ZNF229: variants seen among roughly 807,000 people sequenced by gnomAD.
ZNF229 encodes the protein zinc finger protein 229.
Under a neutral mutation model 11.8 loss-of-function variants are expected in ZNF229, and 10 were observed. That is an observed-to-expected ratio of 0.85 (90% confidence interval 0.52 to 1.44). The LOEUF is 1.44. ZNF229 is among the 40% of genes most tolerant of loss of function. The probability of loss-of-function intolerance (pLI) is 0.00; values close to 1 mark genes in which losing one functional copy is unlikely to be tolerated. For synonymous variants in ZNF229, 368 were observed against 374.8 expected (o/e 0.98, Z 0.21); for missense variants, 1,045 against 1,015.1 (o/e 1.03, Z -0.40).
intron 2 of ZNF229, among the ~76,000 whole-genome samples, chr19:44,444,291 A>T (rs530965420): frequency 2.0e-5 from 3 of 152,070 alleles, no homozygotes; most frequent in Non-Finnish European, 2.9e-5. Context: ...AAACAGATAC[A>T]CATACTTGGG....
Position 44,428,286 on chromosome 19 carries a change from G to T in ZNF229, c.*17C>A. The T allele has an allele frequency of 6.4e-7, 1 of 1,574,640 alleles. No individual in the cohort carries two copies. Among genetic ancestry groups the T allele is most frequent in the South Asian group, 1.2e-5 (1 of 84,796 alleles). ...GATAGAAAGCTCTGAGTCCCAGATG[G>T]AATCCTCTATGTACATCTACTTATA... is the stretch of plus-strand genomic sequence containing the variant. On this transcript the variant is annotated 3_prime_UTR_variant, in exon 6 of 6. Transcript: ENST00000614049.
rs142148173 is a variant in ZNF229, at chr19:44,426,269, G to C, written c.*2034C>G. 2 of 152,200 alleles carry C rather than the reference G, an allele frequency of 1.3e-5. No homozygotes were observed. Among genetic ancestry groups the C allele is most frequent in the East Asian group, 3.9e-4 (2 of 5,188 alleles). The allele number at this position is 152,200 out of a possible 1,614,324, so 9.4% of individuals were successfully genotyped here. A position where few individuals can be genotyped will look rare whatever the true frequency, so the allele number is the denominator to read the frequency against. On this transcript the variant is annotated 3_prime_UTR_variant, in exon 6 of 6. Transcript: ENST00000614049. Reference sequence around the variant, plus strand: ...AAAAAAGTTATAGAGGTTACAACATGAATCTTTAATCATAAGGGATTGTTC... The same window carrying C: ...AAAAAAGTTATAGAGGTTACAACATCAATCTTTAATCATAAGGGATTGTTC...
Position 44,433,220 on chromosome 19 carries a change from G to A in ZNF229, c.94-854C>T, listed in dbSNP as rs77834956. 1.4e-3 allele frequency among the ~76,000 whole-genome samples: 217 copies of A among 152,192 alleles called. 4 individuals carry two copies. In the East Asian group the frequency reaches 0.033, roughly 23 times the overall value. On this transcript the variant is annotated intron_variant, in intron 4 of 5. Transcript: ENST00000614049. ...CTACAGGCACGCACCACCACATCCA[G>A]CTAATTTTTATTTTTTTGTAGAGAT...
intron 4 of ZNF229, among the ~76,000 whole-genome samples, chr19:44,435,365 G>A (rs548505494): frequency 1.4e-4 from 21 of 152,168 alleles, no homozygotes; most frequent in Middle Eastern, 3.4e-3. Context: ...GACTTACTAC[G>A]GTGAAAGAAA....
chr19:44,431,960 G>A (rs1047540020), intron 5 of ZNF229: 6 of 671,078 alleles, frequency 8.9e-6, no homozygotes, highest in Non-Finnish European at 1.2e-5. Flanking sequence ...GCTCTTCTCT[G>A]CTACGTGAGG....
intron 4 of ZNF229, 59 bp downstream of exon 4, chr19:44,442,504 G>T (rs942169387): frequency 1.9e-6 from 3 of 1,567,124 alleles, no homozygotes; most frequent in Non-Finnish European, 2.6e-6. Flanking sequence ...GAGAAGGGAC[G>T]TATGTTTTCT....
intron 4 of ZNF229, among the ~76,000 whole-genome samples, chr19:44,435,983 G>C (rs1390803425): frequency 6.6e-6 from 1 of 152,232 alleles, no homozygotes; most frequent in Non-Finnish European, 1.5e-5. Context: ...CTGAAGGGTA[G>C]TTTACAGTGG....
intron 4 of ZNF229, among the ~76,000 whole-genome samples, chr19:44,437,550 G>A (rs1971836064): frequency 6.6e-6 from 1 of 152,142 alleles, no homozygotes; most frequent in African/African-American, 2.4e-5. Flanking sequence ...ATCATACAAA[G>A]CAGTGTGGTG....
chr19:44,432,079 G>T lies in ZNF229; in HGVS notation c.238+143C>A, dbSNP rs962918500. The T allele has an allele frequency of 2.2e-5, 31 of 1,415,684 alleles. 1 individual carries two copies. In the Admixed American group the frequency reaches 9.2e-4, roughly 42 times the overall value. The allele number at this position is 1,415,684 out of a possible 1,614,324, so 87.7% of individuals were successfully genotyped here. On this transcript the variant is annotated intron_variant, in intron 5 of 5. Transcript: ENST00000614049. ...TGCCTTCCAGAAATAAACTTCTGTT[G>T]TTTATATGCCACTCAGTCTGGCAAT... is the stretch of plus-strand genomic sequence containing the variant.
chr19:44,431,430 A>T (rs1230015270), intron 5 of ZNF229, among the ~76,000 whole-genome samples: 1 of 152,110 alleles, frequency 6.6e-6, no homozygotes, highest in Non-Finnish European at 1.5e-5. Flanking sequence ...ACAATACTAG[A>T]AGAAAGTGAG....
At chr19:44,442,500 G>A (rs1971929825) in intron 4 of ZNF229, 63 bp downstream of exon 4, 2 of 1,556,086 alleles carry the variant, frequency 1.3e-6, no homozygotes, top group Admixed American at 3.4e-5. Context: ...TACCGAGAAG[G>A]GACGTATGTT....
rs776592657 is a variant in ZNF229 at position 44,442,894 on chromosome 19, T to G, written c.-47A>C. On this transcript the variant is annotated 5_prime_UTR_variant, in exon 3 of 6. Transcript: ENST00000614049. ...TGCGAGCAGCAGCAACTGTATTTATTCTCTGGTTTTCCTAAGCTGGAGACG... is the reference window on the plus strand; with the variant it reads ...TGCGAGCAGCAGCAACTGTATTTATGCTCTGGTTTTCCTAAGCTGGAGACG... 6.2e-7 allele frequency: 1 copy of G among 1,609,778 alleles called. No individual in the cohort carries two copies. The highest frequency in any genetic ancestry group is 1.3e-5 in the African/African-American group (1 of 74,808).
At position 44,429,121 on chromosome 19, in the gene ZNF229, C is replaced by T. The variant is rs1455614949; in HGVS notation, c.1660G>A (p.Gly554Ser). 2 of 1,610,880 alleles carry T rather than the reference C, an allele frequency of 1.2e-6. No individual in the cohort carries two copies. The highest frequency in any genetic ancestry group is 2.7e-5 in the African/African-American group (2 of 73,820). The change falls in exon 6 of 6, where the codon GGC (glycine) becomes AGC (serine). Residue 554 changes from glycine to serine, a missense_variant. Coordinates refer to ENST00000614049, the MANE Select transcript of ZNF229 (RefSeq NM_014518.4). ...PYKCECGKSF[G>S]RSSDLHIHQR... ...TGGATGTGGAGGTCGGAGCTCCGGCCAAAGCTCTTCCCGCACTCGCATTTG... is the reference window on the plus strand; with the variant it reads ...TGGATGTGGAGGTCGGAGCTCCGGCTAAAGCTCTTCCCGCACTCGCATTTG...
In ZNF229 at chr19:44,429,310, A is replaced by G. The variant is rs1161898111; in HGVS notation, c.1471T>C (p.Cys491Arg). 1.2e-6 allele frequency: 2 copies of G among 1,614,112 alleles called. No homozygotes were observed. Among genetic ancestry groups the G allele is most frequent in the East Asian group, 2.2e-5 (1 of 44,880 alleles). Residue 491 changes from cysteine (C) to arginine (R), a missense_variant, in exon 6 of 6, where the codon TGT (cysteine) becomes CGT (arginine). Cys to Arg is a radical substitution (Grantham distance 180, BLOSUM62 -3). Transcript: ENST00000614049. ...CTGAAACCTTTGCCACACTTGTCAC[A>G]CTGGTAGGGCCTCTCGCCGGTGTGT... ...KTHTGERPYQ[C>R]DKCGKGFSHN...
intron 5 of ZNF229, among the ~76,000 whole-genome samples, chr19:44,431,362 C>T (rs1971719519): frequency 6.6e-6 from 1 of 152,034 alleles, no homozygotes; most frequent in African/African-American, 2.4e-5. Context: ...TTCTTTATTG[C>T]CTATTTTTAT....
chr19:44,428,070 C>G lies in ZNF229; in HGVS notation c.*233G>C. 1 of 485,382 alleles carries G rather than the reference C, an allele frequency of 2.1e-6. No homozygotes were observed. The highest frequency in any genetic ancestry group is 3.8e-5 in the South Asian group (1 of 26,636). 30.1% of individuals were successfully genotyped at this position (485,382 alleles called of 1,614,324 possible). ...TACTGAAACCACTGCTGCACTGTTT[C>G]TTTAAAGCCTACTCCGCTGCACAAC... On this transcript the variant is annotated 3_prime_UTR_variant, in exon 6 of 6. Transcript: ENST00000614049.
intron 2 of ZNF229, among the ~76,000 whole-genome samples, chr19:44,444,977 T>G (rs561435519): frequency 5.3e-5 from 8 of 152,314 alleles, no homozygotes; most frequent in African/African-American, 1.9e-4. Flanking sequence ...CAACACAATC[T>G]ACACACTGAT....
chr19:44,428,049 G>A lies in ZNF229; in HGVS notation c.*254C>T. 2.5e-6 allele frequency: 1 copy of A among 396,504 alleles called. No individual in the cohort carries two copies. Among genetic ancestry groups the A allele is most frequent in the Non-Finnish European group, 4.5e-6 (1 of 222,748 alleles). 24.6% of individuals were successfully genotyped at this position (396,504 alleles called of 1,614,324 possible). ...TCTGATGGAAGTGAGGATTATTACT[G>A]AAACCACTGCTGCACTGTTTCTTTA... On this transcript the variant is annotated 3_prime_UTR_variant, in exon 6 of 6. Transcript: ENST00000614049.
Position 44,432,368 on chromosome 19 carries a change from TAA to T in ZNF229, c.94-4_94-3del. The T allele has an allele frequency of 6.2e-7, 1 of 1,612,748 alleles. No homozygotes were observed. Among genetic ancestry groups the T allele is most frequent in the Non-Finnish European group, 8.5e-7 (1 of 1,179,668 alleles). ...CACGTCCTTGAAGCTCAATGGCTCC[TAA>T]AATGAAAAACCATTAACACAAACAT... On this transcript the variant is annotated splice_region_variant and splice_polypyrimidine_tract_variant and intron_variant, in intron 4 of 5. Coordinates refer to ENST00000614049, the MANE Select transcript of ZNF229 (RefSeq NM_014518.4).
Sources: gnomAD v4.1 joint callset for allele counts (sites outside exome capture counted in the v4.1 genomes callset) on GRCh38, gnomAD v4.1.1 for gene constraint, MANE v1.5 for transcripts, NCBI Gene and HGNC (gene_info 2026-07-23, HGNC 2026-07-21) for gene names.